The following SHISA9 variants were observed in gnomAD, a reference collection of about 807,000 sequenced individuals.
SHISA9 encodes protein shisa-9.
In SHISA9, 13 loss-of-function variants were observed where a neutral mutation model predicts 38.0. The observed-to-expected ratio is 0.34, with a 90% CI of 0.22 to 0.54. The LOEUF (loss-of-function observed/expected upper bound fraction) is 0.54. Ranked by LOEUF, SHISA9 falls within the 20% of genes least tolerant of loss-of-function variation. SHISA9 has a pLI of 0.91. For synonymous variants in SHISA9, 275 were observed against 242.0 expected, an observed-to-expected ratio of 1.14 and a Z score of -1.27; for missense variants, 538 against 575.8, an observed-to-expected ratio of 0.93 and a Z score of 0.67.
At chr16:13,122,508 G>A (rs74347133) in intron 2 of SHISA9, among the ~76,000 whole-genome samples, 2,416 of 152,232 alleles carry the variant, frequency 0.016, 30 homozygotes, top group Middle Eastern at 0.037. Flanking sequence ...ATATTTTCTC[G>A]AGAACAGGTT....
In SHISA9 at chr16:13,212,930, G is replaced by T. The variant is rs370176320; in HGVS notation, c.848-323G>T. 2.6e-5 allele frequency among the ~76,000 whole-genome samples: 4 copies of T among 152,186 alleles called. No individual in the cohort carries two copies. In the East Asian group the frequency reaches 7.7e-4, roughly 29 times the overall value. ...CAAACTTTCCTTTCTTTCTAAGCAGGTTGAAATTTACAGCCAGATTTTCTA... is the reference window on the plus strand; with the variant it reads ...CAAACTTTCCTTTCTTTCTAAGCAGTTTGAAATTTACAGCCAGATTTTCTA... On this transcript the variant is annotated intron_variant, in intron 3 of 4. Transcript: ENST00000558583.
chr16:13,007,494 C>T (rs1010178907), intron 2 of SHISA9, among the ~76,000 whole-genome samples: 1 of 152,190 alleles, frequency 6.6e-6, no homozygotes, highest in Non-Finnish European at 1.5e-5. Context: ...AATCTATCCA[C>T]TGCAACTTAT....
chr16:13,282,283 C>A, the SHISA9 span, among the ~76,000 whole-genome samples: 1 of 151,858 alleles, frequency 6.6e-6, no homozygotes, highest in African/African-American at 2.4e-5. Context: ...TTTTTGATTG[C>A]CAACTTTTAT....
At chr16:13,058,902 A>C (rs2073341368) in intron 2 of SHISA9, among the ~76,000 whole-genome samples, 2 of 152,078 alleles carry the variant, frequency 1.3e-5, no homozygotes, top group South Asian at 4.2e-4. Flanking sequence ...ACATAATTCT[A>C]GACCATTTGG....
chr16:13,013,244 C>A (rs1181919380), intron 2 of SHISA9, among the ~76,000 whole-genome samples: 2 of 152,184 alleles, frequency 1.3e-5, no homozygotes, highest in African/African-American at 2.4e-5. Flanking sequence ...ATCACGTCCT[C>A]TGCAGGCTGT....
the SHISA9 span, among the ~76,000 whole-genome samples, chr16:13,506,353 G>T: frequency 6.6e-6 from 1 of 152,114 alleles, no homozygotes; most frequent in Non-Finnish European, 1.5e-5. Context: ...TCCCAACAGA[G>T]GTGTGTGGGA....
chr16:13,383,710 G>T, the SHISA9 span, among the ~76,000 whole-genome samples: 1 of 152,078 alleles, frequency 6.6e-6, no homozygotes, highest in Non-Finnish European at 1.5e-5. Flanking sequence ...GAGTGCAGTG[G>T]CATGATCTCA....
chr16:13,531,657 C>T, the SHISA9 span, among the ~76,000 whole-genome samples: 1 of 152,092 alleles, frequency 6.6e-6, no homozygotes, highest in African/African-American at 2.4e-5. Context: ...CCCTGAGGAG[C>T]GATCACCATG....
intron 2 of SHISA9, among the ~76,000 whole-genome samples, chr16:13,050,570 G>A (rs553719707): frequency 1.3e-5 from 2 of 152,108 alleles, no homozygotes; most frequent in Non-Finnish European, 1.5e-5. Flanking sequence ...GAGCTCAAGC[G>A]GTCCGCTCTC....
intron 1 of SHISA9, among the ~76,000 whole-genome samples, chr16:12,906,092 A>G (rs74014741): frequency 6.6e-6 from 1 of 152,262 alleles, no homozygotes; most frequent in African/African-American, 2.4e-5. Context: ...CAACTTGCCA[A>G]GCTTGGCATC....
the SHISA9 span, among the ~76,000 whole-genome samples, chr16:13,532,714 C>T: frequency 6.6e-6 from 1 of 152,084 alleles, no homozygotes; most frequent in Non-Finnish European, 1.5e-5. Flanking sequence ...TTCCTGCTTC[C>T]AACATTTCAG....
the SHISA9 span, among the ~76,000 whole-genome samples, chr16:13,473,563 T>C: frequency 5.9e-5 from 9 of 152,116 alleles, no homozygotes; most frequent in African/African-American, 2.2e-4. Flanking sequence ...CCAGAGTCCC[T>C]GAAATACCCA....
the SHISA9 span, among the ~76,000 whole-genome samples, chr16:13,272,050 G>A: frequency 2.0e-5 from 3 of 149,790 alleles, no homozygotes; most frequent in Middle Eastern, 3.4e-3. Flanking sequence ...CAGCCTGGGC[G>A]ATAAGAGAAA....
At chr16:13,252,852 G>A in the SHISA9 span, among the ~76,000 whole-genome samples, 1 of 152,122 alleles carries the variant, frequency 6.6e-6, no homozygotes, top group Non-Finnish European at 1.5e-5. Context: ...ATTAATGAAT[G>A]AATGAAAGGA....
intron 1 of SHISA9, chr16:12,909,414 G>C (rs1337169309): frequency 1.0e-6 from 1 of 985,312 alleles, no homozygotes; most frequent in African/African-American, 1.7e-5. Context: ...GTGTTTAAAA[G>C]TCAACACATA....
chr16:12,997,923 G>C (rs2072478475), intron 2 of SHISA9, among the ~76,000 whole-genome samples: 1 of 152,172 alleles, frequency 6.6e-6, no homozygotes, highest in African/African-American at 2.4e-5. Context: ...CTTAAACGGT[G>C]CCTTCTCGTC....
chr16:13,310,424 TTG>T, the SHISA9 span, among the ~76,000 whole-genome samples: 1 of 152,186 alleles, frequency 6.6e-6, no homozygotes, highest in South Asian at 2.1e-4. Context: ...TTGAAGGTCT[TTG>T]TGTGTTCCTC....
At chr16:13,413,177 T>C in the SHISA9 span, among the ~76,000 whole-genome samples, 1 of 152,134 alleles carries the variant, frequency 6.6e-6, no homozygotes, top group South Asian at 2.1e-4. Context: ...GAGACCCTCA[T>C]AAAACCACCA....
intron 2 of SHISA9, among the ~76,000 whole-genome samples, chr16:13,176,320 G>A (rs554070166): frequency 2.6e-5 from 4 of 152,122 alleles, no homozygotes; most frequent in African/African-American, 7.2e-5. Flanking sequence ...TGACTGACAC[G>A]AGTCATCTGT....
Sources: allele counts gnomAD v4.1 joint callset (sites outside exome capture counted in the v4.1 genomes callset), GRCh38; gene constraint gnomAD v4.1.1; transcripts MANE v1.5; gene names NCBI Gene and HGNC (gene_info 2026-07-23, HGNC 2026-07-21).